The following EYA1 variants were observed in gnomAD, a reference collection of about 807,000 sequenced individuals.
The protein encoded by EYA1 is protein phosphatase EYA1.
A neutral mutation model predicts 82.0 loss-of-function variants in EYA1; 16 were observed. That is an observed-to-expected ratio of 0.20 (90% CI 0.13 to 0.30). The LOEUF (loss-of-function observed/expected upper bound fraction) is 0.30, where lower values mean the gene tolerates loss of function less well. Among genes scored for constraint, EYA1 ranks in the 10% least tolerant of loss-of-function variants. The pLI is 1.00. For synonymous variants in EYA1, 261 were observed against 264.4 expected (o/e 0.99, Z 0.12); for missense variants, 633 against 730.7 (o/e 0.87, Z 1.54).
At chr8:71,403,452 G>A (rs1435675424) in intron 2 of EYA1, 1 of 152,142 alleles carries the variant, frequency 6.6e-6, no homozygotes, top group Non-Finnish European at 1.5e-5. Context: ...GGAAACATGA[G>A]TTGGCAGTAT....
At chr8:71,263,971 C>A (rs1815455794) in intron 11 of EYA1, among the ~76,000 whole-genome samples, 1 of 152,160 alleles carries the variant, frequency 6.6e-6, no homozygotes, top group Admixed American at 6.5e-5. Context: ...TGGAACACAG[C>A]CACATTTATT....
chr8:71,402,828 C>T (rs1830028373), intron 2 of EYA1, among the ~76,000 whole-genome samples: 1 of 152,212 alleles, frequency 6.6e-6, no homozygotes, highest in Admixed American at 6.5e-5. Context: ...TAATTCATGA[C>T]AAAGGTGCCA....
chr8:71,495,051 C>T, intron 2 of EYA1, among the ~76,000 whole-genome samples: 1 of 151,758 alleles, frequency 6.6e-6, no homozygotes. Flanking sequence ...AAACCACCAA[C>T]TCAAGGCTAA....
At chr8:71,377,075 G>A (rs1490187090) in intron 2 of EYA1, among the ~76,000 whole-genome samples, 1 of 151,954 alleles carries the variant, frequency 6.6e-6, no homozygotes, top group Non-Finnish European at 1.5e-5. Flanking sequence ...TGTTACTTTG[G>A]TGACCCCCAA....
chr8:71,333,518 T>G (rs1824134063), intron 4 of EYA1, among the ~76,000 whole-genome samples: 1 of 152,218 alleles, frequency 6.6e-6, no homozygotes, highest in African/African-American at 2.4e-5. Context: ...CACAACCACC[T>G]TATGATCACA....
At chr8:71,430,903 GA>G (rs10576758) in intron 2 of EYA1, among the ~76,000 whole-genome samples, 18,956 of 135,710 alleles carry the variant, frequency 0.14, 1,199 homozygotes, top group South Asian at 0.2. Context: ...CTAGAAAGGA[GA>G]AAAAAAAAAA....
chr8:71,547,727 G>C (rs1815768787), intron 1 of EYA1: 1 of 151,300 alleles, frequency 6.6e-6, no homozygotes, highest in East Asian at 1.9e-4. Context: ...ACGTCTCCTC[G>C]TCACGGCAAC....
chr8:71,511,625 G>A (rs1393953196), intron 2 of EYA1, among the ~76,000 whole-genome samples: 1 of 152,120 alleles, frequency 6.6e-6, no homozygotes, highest in Non-Finnish European at 1.5e-5. Flanking sequence ...AGATAACATG[G>A]TTAGAATCAA....
chr8:71,501,833 CA>C (rs1811831514), intron 2 of EYA1, among the ~76,000 whole-genome samples: 1 of 152,224 alleles, frequency 6.6e-6, no homozygotes, highest in Non-Finnish European at 1.5e-5. Flanking sequence ...TAGCTAAAGA[CA>C]CACTTCGTAT....
In EYA1 at chr8:71,291,993, CA is replaced by C. The variant is rs562625580; in HGVS notation, c.826+7053del. On this transcript the variant is annotated intron_variant, in intron 9 of 17. Transcript: ENST00000340726. ...GTCAGGCCAAATTATTTAAATACAG[CA>C]CAGTAATTGGATTATAGATGATTGT... Among the ~76,000 whole-genome samples, 737 of 152,108 alleles carry C rather than the reference CA, an allele frequency of 4.8e-3. 3 individuals carry two copies. The highest frequency in any genetic ancestry group is 0.017 in the African/African-American group (707 of 41,522).
chr8:71,539,940 T>C (rs538006466), intron 1 of EYA1, among the ~76,000 whole-genome samples: 75 of 152,196 alleles, frequency 4.9e-4, no homozygotes, highest in African/African-American at 1.8e-3. Flanking sequence ...TGCAAACATA[T>C]AAAATCCCCC....
intron 2 of EYA1, 97 bp from the exon 3 acceptor site, chr8:71,355,006 CA>C: frequency 1.7e-6 from 2 of 1,200,974 alleles, no homozygotes; most frequent in South Asian, 2.4e-5. Context: ...CACACTTGCA[CA>C]AAAGTCCCAT....
intron 17 of EYA1, chr8:71,200,125 C>T (rs539689736): frequency 6.5e-6 from 1 of 154,642 alleles, no homozygotes; most frequent in Non-Finnish European, 1.4e-5. Flanking sequence ...TGAACTTTCA[C>T]TGCTCCAAAG....
intron 12 of EYA1, among the ~76,000 whole-genome samples, chr8:71,241,190 C>G (rs1284102878): frequency 6.6e-6 from 1 of 152,082 alleles, no homozygotes; most frequent in Non-Finnish European, 1.5e-5. Flanking sequence ...TTTTATGGTA[C>G]AGAAAACATT....
chr8:71,456,160 G>T (rs1034094528), intron 2 of EYA1, among the ~76,000 whole-genome samples: 1 of 152,126 alleles, frequency 6.6e-6, no homozygotes, highest in Non-Finnish European at 1.5e-5. Context: ...ATTCACAATT[G>T]CTTCAAAGAG....
chr8:71,396,681 C>T (rs534284263), intron 2 of EYA1, among the ~76,000 whole-genome samples: 14 of 152,198 alleles, frequency 9.2e-5, no homozygotes, highest in African/African-American at 3.1e-4. Context: ...TCTGTTCTTT[C>T]ACATTTGCAG....
intron 2 of EYA1, among the ~76,000 whole-genome samples, chr8:71,433,269 A>C (rs2097971919): frequency 1.3e-5 from 2 of 152,220 alleles, no homozygotes; most frequent in Non-Finnish European, 2.9e-5. Context: ...GTAAGGAGAA[A>C]GATTTGAAAA....
intron 1 of EYA1, among the ~76,000 whole-genome samples, chr8:71,542,130 T>C (rs1171754175): frequency 6.6e-6 from 1 of 152,192 alleles, no homozygotes; most frequent in Non-Finnish European, 1.5e-5. Context: ...GGTAAATCTG[T>C]GTCATGGGGG....
At chr8:71,345,621 T>G (rs1274459331) in intron 3 of EYA1, among the ~76,000 whole-genome samples, 1 of 152,184 alleles carries the variant, frequency 6.6e-6, no homozygotes, top group Non-Finnish European at 1.5e-5. Context: ...AAGCATGCAA[T>G]TCTTCCTATA....
Sources: gnomAD v4.1 joint callset for allele counts (sites outside exome capture counted in the v4.1 genomes callset) on GRCh38, gnomAD v4.1.1 for gene constraint, MANE v1.5 for transcripts, NCBI Gene and HGNC (gene_info 2026-07-23, HGNC 2026-07-21) for gene names.